Variants in NR6A1 observed in about 807,000 individuals in gnomAD.
NR6A1 encodes the protein retinoic acid receptor-related testis-associated receptor.
NR6A1 carries 7 observed loss-of-function variants against 59.1 expected under a neutral mutation model. That is an observed-to-expected ratio of 0.12 (90% CI 0.07 to 0.22). The LOEUF (loss-of-function observed/expected upper bound fraction) is 0.22. Ranked by LOEUF, NR6A1 falls within the 10% of genes least tolerant of loss-of-function variation. The pLI, the probability that NR6A1 is intolerant of heterozygous loss-of-function variation, is 1.00. For missense variants in NR6A1, 468 were observed against 611.6 expected (o/e 0.77, Z 2.48); for synonymous variants, 243 against 236.1 (o/e 1.03, Z -0.27).
intron 1 of NR6A1, among the ~76,000 whole-genome samples, chr9:124,768,699 T>C (rs1408762749): frequency 6.6e-6 from 1 of 152,244 alleles, no homozygotes; most frequent in African/African-American, 2.4e-5. Context: ...GAAATGAGAC[T>C]ATGAATGGGA....
intron 2 of NR6A1, among the ~76,000 whole-genome samples, chr9:124,596,019 TTTAG>T (rs1484863707): frequency 2.0e-5 from 3 of 152,234 alleles, no homozygotes; most frequent in Non-Finnish European, 4.4e-5. Context: ...ACTTATTTTC[TTTAG>T]TTAACAATAC....
chr9:124,586,641 G>T (rs1588688736), intron 2 of NR6A1, among the ~76,000 whole-genome samples: 1 of 152,032 alleles, frequency 6.6e-6, no homozygotes, highest in South Asian at 2.1e-4. Flanking sequence ...TAGAGACGAG[G>T]TCTCACTATG....
chr9:124,686,181 A>G (rs1224850614), intron 2 of NR6A1, among the ~76,000 whole-genome samples: 1 of 152,232 alleles, frequency 6.6e-6, no homozygotes. Context: ...ATAAATTACT[A>G]TAAGACTAAA....
At chr9:124,664,700 T>A (rs1028232607) in intron 2 of NR6A1, among the ~76,000 whole-genome samples, 1 of 152,050 alleles carries the variant, frequency 6.6e-6, no homozygotes, top group African/African-American at 2.4e-5. Flanking sequence ...TGGTACTGGG[T>A]TCTTACTGAA....
intron 2 of NR6A1, among the ~76,000 whole-genome samples, chr9:124,631,081 T>C (rs1836428017): frequency 6.6e-6 from 1 of 152,128 alleles, no homozygotes; most frequent in African/African-American, 2.4e-5. Context: ...TCAGGCAAGC[T>C]CAGTTTCTGG....
chr9:124,698,032 T>C (rs868146017), intron 2 of NR6A1, among the ~76,000 whole-genome samples: 8 of 152,138 alleles, frequency 5.3e-5, no homozygotes, highest in African/African-American at 1.7e-4. Flanking sequence ...GACTGGCTGA[T>C]AGGAGACAAA....
chr9:124,733,395 T>G, intron 1 of NR6A1, 46 bp from the exon 2 acceptor site: 1 of 1,419,782 alleles, frequency 7.0e-7, no homozygotes, highest in South Asian at 1.2e-5. Context: ...TGTGAATTAC[T>G]TCAAGCTGAC....
chr9:124,771,096 A>G lies in NR6A1; in HGVS notation c.24T>C (p.Pro8=), dbSNP rs1212633107. 8.1e-7 allele frequency: 1 copy of G among 1,229,802 alleles called. No homozygotes were observed. The highest frequency in any genetic ancestry group is 1.6e-5 in the African/African-American group (1 of 64,230). 76.2% of individuals were successfully genotyped at this position (1,229,802 alleles called of 1,614,324 possible). A position where few individuals can be genotyped will look rare whatever the true frequency, so the allele number is the denominator to read the frequency against. ...AGCCCCCGCCGCCTCCCCCTCCGCT[A>G]GGCGGCGGTTCGTCCCGCTCCATGC... MERDEPP[P]SGGGGGGGSA... Residue 8 remains proline, a synonymous_variant, in exon 1 of 10, where the codon CCT becomes CCC. Transcript: ENST00000487099.
At chr9:124,707,515 G>GTTT (rs199653224) in intron 2 of NR6A1, among the ~76,000 whole-genome samples, 6 of 141,016 alleles carry the variant, frequency 4.3e-5, no homozygotes, top group African/African-American at 1.5e-4. Context: ...AGTTTCTACT[G>GTTT]TTTTTTTTTT....
chr9:124,627,910 T>TCC (rs1243616891), intron 2 of NR6A1, among the ~76,000 whole-genome samples: 4 of 90,302 alleles, frequency 4.4e-5, no homozygotes, highest in East Asian at 3.1e-4. Context: ...TTTTTTTTTT[T>TCC]CAAAACAAAG....
chr9:124,652,148 G>A (rs1837125437), intron 2 of NR6A1, among the ~76,000 whole-genome samples: 1 of 152,174 alleles, frequency 6.6e-6, no homozygotes, highest in Non-Finnish European at 1.5e-5. Context: ...AAGTGGTGGA[G>A]GTAGGTATTC....
rs550871462 is a variant in NR6A1 at position 124,553,064 on chromosome 9, C to T, written c.385+1264G>A. On this transcript the variant is annotated intron_variant, in intron 3 of 9. Coordinates refer to ENST00000487099, the MANE Select transcript of NR6A1 (RefSeq NM_033334.4). Reference sequence around the variant, plus strand: ...ATTTTATATGTTATCATACTTAATCCCGTAGAGAACTCTGAAGGGTAAGTA... The same window carrying T: ...ATTTTATATGTTATCATACTTAATCTCGTAGAGAACTCTGAAGGGTAAGTA... Among the ~76,000 whole-genome samples the T allele has an allele frequency of 4.5e-3, 688 of 152,266 alleles. 4 individuals carry two copies. The highest frequency in any genetic ancestry group is 7.1e-3 in the Non-Finnish European group (482 of 68,010).
At chr9:124,637,229 A>G (rs1836635279) in intron 2 of NR6A1, among the ~76,000 whole-genome samples, 1 of 152,222 alleles carries the variant, frequency 6.6e-6, no homozygotes, top group Admixed American at 6.5e-5. Flanking sequence ...TGGTAGCATA[A>G]AAGCATGGGT....
At chr9:124,732,177 T>TTG (rs2131126512) in intron 2 of NR6A1, among the ~76,000 whole-genome samples, 1 of 152,292 alleles carries the variant, frequency 6.6e-6, no homozygotes, top group African/African-American at 2.4e-5. Context: ...ACCTCAGAGC[T>TTG]TGAATCAGCT....
At chr9:124,744,620 G>A (rs1223095291) in intron 1 of NR6A1, among the ~76,000 whole-genome samples, 1 of 152,222 alleles carries the variant, frequency 6.6e-6, no homozygotes, top group African/African-American at 2.4e-5. Context: ...CAACGTCCAA[G>A]AAGAATACCA....
At chr9:124,673,488 A>C (rs2130973487) in intron 2 of NR6A1, among the ~76,000 whole-genome samples, 1 of 152,022 alleles carries the variant, frequency 6.6e-6, no homozygotes, top group East Asian at 1.9e-4. Context: ...ATACCTCAAA[A>C]CCAGAATCTC....
At chr9:124,566,790 G>C (rs1402936183) in intron 2 of NR6A1, among the ~76,000 whole-genome samples, 3 of 152,208 alleles carry the variant, frequency 2.0e-5, no homozygotes, top group Admixed American at 1.3e-4. Flanking sequence ...AGCTGAGTGC[G>C]GGGCAAAAGT....
At chr9:124,767,199 G>A (rs868557354) in intron 1 of NR6A1, among the ~76,000 whole-genome samples, 4 of 152,132 alleles carry the variant, frequency 2.6e-5, no homozygotes, top group African/African-American at 7.2e-5. Context: ...GCATGATTTG[G>A]ACATATTTTT....
intron 3 of NR6A1, among the ~76,000 whole-genome samples, chr9:124,551,929 G>T (rs1045351954): frequency 6.6e-6 from 1 of 152,196 alleles, no homozygotes; most frequent in African/African-American, 2.4e-5. Context: ...AGGTGGCAGG[G>T]TTTCTCTCCC....
Sources: allele counts gnomAD v4.1 joint callset (sites outside exome capture counted in the v4.1 genomes callset), GRCh38; gene constraint gnomAD v4.1.1; transcripts MANE v1.5; gene names NCBI Gene and HGNC (gene_info 2026-07-23, HGNC 2026-07-21).